The following PTPRD variants were observed in gnomAD, a reference collection of about 807,000 sequenced individuals.
The protein encoded by PTPRD is receptor-type tyrosine-protein phosphatase delta.
PTPRD carries 34 observed loss-of-function variants against 214.5 expected under a neutral mutation model. The observed-to-expected ratio is 0.16, with a 90% CI of 0.12 to 0.21. PTPRD has a LOEUF of 0.21. Ranked by LOEUF, PTPRD falls within the 10% of genes least tolerant of loss-of-function variation. The pLI, the probability that PTPRD is intolerant of heterozygous loss-of-function variation, is 1.00. For synonymous variants in PTPRD, 1,128 were observed against 845.7 expected, an observed-to-expected ratio of 1.33 and a Z score of -5.79; for missense variants, 2,545 against 2,398.7, an observed-to-expected ratio of 1.06 and a Z score of -1.27.
At chr9:9,712,945 A>G (rs538570260) in intron 7 of PTPRD, among the ~76,000 whole-genome samples, 13 of 152,340 alleles carry the variant, frequency 8.5e-5, no homozygotes, top group African/African-American at 3.1e-4. Flanking sequence ...TACACAAAAC[A>G]TTAATGAAAA....
chr9:8,746,999 G>C (rs983449625), intron 11 of PTPRD, among the ~76,000 whole-genome samples: 1 of 152,204 alleles, frequency 6.6e-6, no homozygotes, highest in African/African-American at 2.4e-5. Context: ...ATGGGTGGAA[G>C]AGAAGTGCAG....
At chr9:9,743,576 C>T (rs7029803) in intron 6 of PTPRD, among the ~76,000 whole-genome samples, 1 of 151,964 alleles carries the variant, frequency 6.6e-6, no homozygotes, top group African/African-American at 2.4e-5. Flanking sequence ...AAATCATGAC[C>T]TAGTTCTTGA....
chr9:9,289,909 A>T (rs911608105), intron 9 of PTPRD, among the ~76,000 whole-genome samples: 1 of 149,568 alleles, frequency 6.7e-6, no homozygotes, highest in African/African-American at 2.5e-5. Flanking sequence ...ATAATGCTGC[A>T]AAAAAACATA....
chr9:9,524,948 T>TC (rs1157175658), intron 8 of PTPRD, among the ~76,000 whole-genome samples: 37 of 152,196 alleles, frequency 2.4e-4, no homozygotes, highest in Middle Eastern at 6.8e-3. Context: ...AGCTCCGCCT[T>TC]CCAGGTTCAC....
chr9:9,856,214 C>T (rs1363865171), intron 5 of PTPRD, among the ~76,000 whole-genome samples: 2 of 152,052 alleles, frequency 1.3e-5, no homozygotes, highest in Non-Finnish European at 2.9e-5. Context: ...AGCTGTAGTC[C>T]CTGACATCCA....
At chr9:10,523,589 G>C (rs2053115714) in intron 2 of PTPRD, among the ~76,000 whole-genome samples, 1 of 18,068 alleles carries the variant, frequency 5.5e-5, no homozygotes, top group African/African-American at 1.5e-4. Context: ...TATTTTTCAA[G>C]TATATTTATC....
chr9:8,894,882 G>T (rs1338808176), intron 11 of PTPRD, among the ~76,000 whole-genome samples: 1 of 151,994 alleles, frequency 6.6e-6, no homozygotes, highest in Non-Finnish European at 1.5e-5. Context: ...ATAGTAGATG[G>T]CACCAATCAA....
chr9:9,331,848 G>C (rs922612409), intron 9 of PTPRD, among the ~76,000 whole-genome samples: 1 of 152,002 alleles, frequency 6.6e-6, no homozygotes, highest in African/African-American at 2.4e-5. Context: ...CATCCATCAT[G>C]TTAGACATGC....
rs563960513 is a variant in PTPRD, at chr9:8,733,955, G to A, written c.-103-9C>T. 57 of 1,078,268 alleles carry A rather than the reference G, an allele frequency of 5.3e-5. No individual in the cohort carries two copies. Among genetic ancestry groups the A allele is most frequent in the African/African-American group, 2.0e-4 (13 of 63,848 alleles). The allele number at this position is 1,078,268 out of a possible 1,614,324, so 66.8% of individuals were successfully genotyped here. A position where few individuals can be genotyped will look rare whatever the true frequency, so the allele number is the denominator to read the frequency against. ...TGGAACACTTTCAGAGCCTGAAAGC[G>A]GGGAGGAAGAGAAAAGAAAAGGAAG... On this transcript the variant is annotated splice_polypyrimidine_tract_variant and intron_variant, in intron 11 of 45. Coordinates refer to ENST00000381196, the MANE Select transcript of PTPRD (RefSeq NM_002839.4).
chr9:9,694,251 T>C (rs2097329201), intron 7 of PTPRD, among the ~76,000 whole-genome samples: 1 of 152,054 alleles, frequency 6.6e-6, no homozygotes, highest in Non-Finnish European at 1.5e-5. Context: ...GGGAAGGTTT[T>C]CCAGGTATGC....
chr9:10,516,049 T>C (rs10809107), intron 2 of PTPRD, among the ~76,000 whole-genome samples: 33,242 of 151,796 alleles, frequency 0.22, 4,080 homozygotes, highest in Admixed American at 0.32. Flanking sequence ...AGTGCTAATA[T>C]CTTTTTTAAG....
chr9:8,555,567 C>T (rs929764460), intron 14 of PTPRD, among the ~76,000 whole-genome samples: 1 of 152,206 alleles, frequency 6.6e-6, no homozygotes, highest in Non-Finnish European at 1.5e-5. Flanking sequence ...CTCAGAGGAA[C>T]ACAGTCTTTA....
intron 14 of PTPRD, among the ~76,000 whole-genome samples, chr9:8,577,859 G>A (rs1244862170): frequency 6.6e-6 from 1 of 152,146 alleles, no homozygotes; most frequent in Non-Finnish European, 1.5e-5. Flanking sequence ...TCAGAAATTT[G>A]TAGTTCAACA....
intron 7 of PTPRD, among the ~76,000 whole-genome samples, chr9:9,728,932 G>A (rs2098138136): frequency 6.6e-6 from 1 of 151,970 alleles, no homozygotes. Flanking sequence ...TTTATCCCAA[G>A]TCTTCTATTT....
chr9:9,889,778 G>C (rs1230508169), intron 5 of PTPRD, among the ~76,000 whole-genome samples: 2 of 151,546 alleles, frequency 1.3e-5, no homozygotes, highest in African/African-American at 2.4e-5. Context: ...GTCTCAGCAA[G>C]TTCCTGCTGA....
chr9:8,651,071 G>A (rs751649586), intron 12 of PTPRD, among the ~76,000 whole-genome samples: 1 of 151,826 alleles, frequency 6.6e-6, no homozygotes, highest in African/African-American at 2.4e-5. Context: ...AAACCAAACG[G>A]TATTTATTTT....
chr9:9,756,141 C>T (rs747996095), intron 6 of PTPRD, among the ~76,000 whole-genome samples: 5 of 152,010 alleles, frequency 3.3e-5, no homozygotes, highest in African/African-American at 9.7e-5. Flanking sequence ...GTTCTAATAT[C>T]GACCTCAAGC....
At chr9:8,700,031 A>T (rs1829333215) in intron 12 of PTPRD, among the ~76,000 whole-genome samples, 1 of 152,186 alleles carries the variant, frequency 6.6e-6, no homozygotes, top group Admixed American at 6.5e-5. Flanking sequence ...ACAATACAAA[A>T]TCAGCAATTT....
At chr9:10,252,439 T>C (rs1218873218) in intron 3 of PTPRD, among the ~76,000 whole-genome samples, 3 of 152,162 alleles carry the variant, frequency 2.0e-5, no homozygotes, top group Non-Finnish European at 2.9e-5. Flanking sequence ...CATCATCAAC[T>C]GCCAAGCTAA....
Sources: gnomAD v4.1 joint callset for allele counts (sites outside exome capture counted in the v4.1 genomes callset) on GRCh38, gnomAD v4.1.1 for gene constraint, MANE v1.5 for transcripts, NCBI Gene and HGNC (gene_info 2026-07-23, HGNC 2026-07-21) for gene names.